PRKCE: variants seen among roughly 807,000 people sequenced by gnomAD.
PRKCE encodes protein kinase C epsilon type.
In PRKCE, 16 loss-of-function variants were observed where a neutral mutation model predicts 85.4. The observed-to-expected ratio is 0.19, with a 90% CI of 0.13 to 0.28. The LOEUF is 0.28. Ranked by LOEUF, PRKCE falls within the 10% of genes least tolerant of loss-of-function variation. The probability of loss-of-function intolerance (pLI) is 1.00; values close to 1 mark genes in which losing one functional copy is unlikely to be tolerated. For synonymous variants in PRKCE, 388 were observed against 371.5 expected (o/e 1.04, Z -0.51); for missense variants, 573 against 975.2 (o/e 0.59, Z 5.49).
chr2:45,832,324 T>TTC (rs1424802010), intron 1 of PRKCE, among the ~76,000 whole-genome samples: 1 of 151,478 alleles, frequency 6.6e-6, no homozygotes, highest in African/African-American at 2.4e-5. Context: ...TTTTTTTTTT[T>TTC]TTTTTTGAGA....
At chr2:45,775,640 G>A (rs1294665884) in intron 1 of PRKCE, among the ~76,000 whole-genome samples, 2 of 152,114 alleles carry the variant, frequency 1.3e-5, no homozygotes. Flanking sequence ...CCTGGTCTGA[G>A]CCTCTGCCTT....
intron 6 of PRKCE, among the ~76,000 whole-genome samples, chr2:45,988,627 C>A (rs980686989): frequency 6.6e-6 from 1 of 152,190 alleles, no homozygotes; most frequent in African/African-American, 2.4e-5. Context: ...AAAATGCTGG[C>A]ACAAAGTGAG....
intron 1 of PRKCE, among the ~76,000 whole-genome samples, chr2:45,653,429 T>A (rs998193037): frequency 7.2e-6 from 1 of 138,646 alleles, no homozygotes; most frequent in African/African-American, 2.6e-5. Context: ...TAATTTAGGA[T>A]GTGGATTTTT....
At chr2:46,165,340 C>T (rs1369174504) in intron 14 of PRKCE, among the ~76,000 whole-genome samples, 1 of 152,206 alleles carries the variant, frequency 6.6e-6, no homozygotes, top group Non-Finnish European at 1.5e-5. Flanking sequence ...CCATCAACAC[C>T]AAACCAAAGA....
chr2:45,940,884 C>A (rs1366802866), intron 2 of PRKCE, among the ~76,000 whole-genome samples: 4 of 138,518 alleles, frequency 2.9e-5, no homozygotes, highest in Non-Finnish European at 4.6e-5. Flanking sequence ...CATGGTGAAA[C>A]CCCATCTCTA....
chr2:45,701,288 T>G (rs1678619912), intron 1 of PRKCE: 1 of 152,202 alleles, frequency 6.6e-6, no homozygotes, highest in Non-Finnish European at 1.5e-5. Context: ...TTTGTGTGTT[T>G]TTGGAAAAAT....
intron 14 of PRKCE, among the ~76,000 whole-genome samples, chr2:46,183,654 C>T (rs755601826): frequency 1.3e-5 from 2 of 152,212 alleles, no homozygotes; most frequent in Admixed American, 6.5e-5. Flanking sequence ...TTAGTGAACC[C>T]GCTGCCCTGT....
chr2:45,832,472 C>G (rs1314824273), intron 1 of PRKCE, among the ~76,000 whole-genome samples: 1 of 152,096 alleles, frequency 6.6e-6, no homozygotes, highest in African/African-American at 2.4e-5. Flanking sequence ...TCCACCATGC[C>G]CAGCTAATTT....
intron 1 of PRKCE, among the ~76,000 whole-genome samples, chr2:45,766,935 G>A (rs1480461629): frequency 6.6e-6 from 1 of 152,146 alleles, no homozygotes; most frequent in Non-Finnish European, 1.5e-5. Context: ...CAGCTACTCA[G>A]GAGGCTGAGG....
Position 45,905,146 on chromosome 2 carries a change from G to T in PRKCE, c.412+62083G>T, listed in dbSNP as rs576799210. ...ATTCAGAGTAATGCTGGGGCAGGCC[G>T]TAGTCCAGGCCATCTCACACTGGCT... On this transcript the variant is annotated intron_variant, in intron 2 of 14. Coordinates refer to ENST00000306156, the MANE Select transcript of PRKCE (RefSeq NM_005400.3). This position sits in a 1 kb window ranked among gnomAD's most constrained non-coding sequence, Gnocchi z 4.4. Among the ~76,000 whole-genome samples the T allele has an allele frequency of 3.9e-5, 6 of 152,218 alleles. No homozygotes were observed. Among genetic ancestry groups the T allele is most frequent in the Non-Finnish European group, 7.3e-5 (5 of 68,040 alleles).
At chr2:46,062,043 G>A (rs913888421) in intron 10 of PRKCE, among the ~76,000 whole-genome samples, 11 of 151,714 alleles carry the variant, frequency 7.3e-5, no homozygotes, top group Non-Finnish European at 1.2e-4. Context: ...TGTACTTTTA[G>A]TAGAGACAGG....
chr2:45,965,427 G>T (rs1701669176), intron 2 of PRKCE, among the ~76,000 whole-genome samples: 1 of 152,172 alleles, frequency 6.6e-6, no homozygotes, highest in Non-Finnish European at 1.5e-5. Context: ...ATATTTACCA[G>T]TGAATTTATA....
intron 1 of PRKCE, among the ~76,000 whole-genome samples, chr2:45,666,573 G>A (rs1675921682): frequency 6.6e-6 from 1 of 151,530 alleles, no homozygotes; most frequent in Non-Finnish European, 1.5e-5. Flanking sequence ...CCCATCCCTG[G>A]GATACTCTAA....
Position 45,774,846 on chromosome 2 carries a change from T to C in PRKCE, c.349-68154T>C, listed in dbSNP as rs1010614674. ...GGAGTCTCAGTCCTGCTCCTCCCAT[T>C]CCTGAGTTCGTCTCCAAGTCCAGGG... On this transcript the variant is annotated intron_variant, in intron 1 of 14. Coordinates refer to ENST00000306156, the MANE Select transcript of PRKCE (RefSeq NM_005400.3). The surrounding 1 kb of genome is among the most constrained non-coding windows in gnomAD (Gnocchi z 4.3). Among the ~76,000 whole-genome samples the C allele has an allele frequency of 1.6e-4, 25 of 152,016 alleles. No individual in the cohort carries two copies. The highest frequency in any genetic ancestry group is 1.2e-4 in the Non-Finnish European group (8 of 67,988).
intron 1 of PRKCE, among the ~76,000 whole-genome samples, chr2:45,772,081 G>A (rs761858724): frequency 6.6e-6 from 1 of 152,184 alleles, no homozygotes; most frequent in Non-Finnish European, 1.5e-5. Flanking sequence ...ACCGAGGTCA[G>A]AGAGACTGAG....
chr2:46,135,861 G>A (rs1414169169), intron 11 of PRKCE, among the ~76,000 whole-genome samples: 1 of 148,046 alleles, frequency 6.8e-6, no homozygotes, highest in Non-Finnish European at 1.5e-5. Context: ...AGTGATGGGA[G>A]GTGCCTATGT....
At chr2:45,920,260 T>G (rs142465307) in intron 2 of PRKCE, among the ~76,000 whole-genome samples, 1 of 152,214 alleles carries the variant, frequency 6.6e-6, no homozygotes, top group East Asian at 1.9e-4. Context: ...GATGATGGAG[T>G]GCACACTGAG....
chr2:45,932,793 C>G (rs1374174507), intron 2 of PRKCE, among the ~76,000 whole-genome samples: 1 of 152,156 alleles, frequency 6.6e-6, no homozygotes, highest in Non-Finnish European at 1.5e-5. Flanking sequence ...ACTCTCTACT[C>G]CCCCCAGCCC....
At chr2:46,021,715 C>G (rs1382022216) in intron 10 of PRKCE, among the ~76,000 whole-genome samples, 1 of 152,196 alleles carries the variant, frequency 6.6e-6, no homozygotes, top group Non-Finnish European at 1.5e-5. Context: ...AAATCTAAAA[C>G]TAGAGGTCTA....
Sources: gnomAD v4.1 joint callset for allele counts (sites outside exome capture counted in the v4.1 genomes callset) on GRCh38, gnomAD v4.1.1 for gene constraint, Gnocchi (gnomAD v3.1) non-coding constraint, MANE v1.5 for transcripts, NCBI Gene and HGNC (gene_info 2026-07-23, HGNC 2026-07-21) for gene names.